Variants in CDH3 observed in about 807,000 individuals in gnomAD.
The protein encoded by CDH3 is cadherin-3.
In CDH3, 54 loss-of-function variants were observed where a neutral mutation model predicts 82.0. That is an observed-to-expected ratio of 0.66 (90% CI 0.53 to 0.83). The LOEUF (loss-of-function observed/expected upper bound fraction) is 0.83, where lower values mean the gene tolerates loss of function less well. CDH3 is among the 40% of genes least tolerant of loss of function. The probability of loss-of-function intolerance (pLI) is 0.00; values close to 1 mark genes in which losing one functional copy is unlikely to be tolerated. For synonymous variants in CDH3, 446 were observed against 437.9 expected, an observed-to-expected ratio of 1.02 and a Z score of -0.23; for missense variants, 1,054 against 1,084.6, an observed-to-expected ratio of 0.97 and a Z score of 0.40.
rs1275639305 is a variant in CDH3 at position 68,645,664 on chromosome 16, A to T, written c.74A>T (p.Glu25Val). The part of the protein sequence containing the change: ...QVCWLQCAAS[E>V]PCRAVFREAE... ...TGCTGGCTGCAGTGCGCGGCCTCCG[A>T]GCCGTGCCGGGCGGTCTTCAGGGAG... The change falls in exon 2 of 16, where the codon GAG becomes GTG. Residue 25 changes from glutamate to valine, a missense_variant. By Grantham distance (121) the Glu-to-Val change is moderately radical. Coordinates refer to ENST00000264012, the MANE Select transcript of CDH3 (RefSeq NM_001793.6). 2 of 1,544,038 alleles carry T rather than the reference A, an allele frequency of 1.3e-6. No individual in the cohort carries two copies. Among genetic ancestry groups the T allele is most frequent in the Non-Finnish European group, 1.7e-6 (2 of 1,146,594 alleles).
At chr16:68,647,035 G>C (rs531248189) in intron 2 of CDH3, among the ~76,000 whole-genome samples, 102 of 152,208 alleles carry the variant, frequency 6.7e-4, no homozygotes, top group Middle Eastern at 6.8e-3. Context: ...CCCAGGCTAG[G>C]CTAGGCTCCT....
At chr16:68,682,271 T>C in intron 8 of CDH3, 31 bp from the exon 9 acceptor site, 1 of 1,607,492 alleles carries the variant, frequency 6.2e-7, no homozygotes, top group Non-Finnish European at 8.5e-7. Flanking sequence ...CATTCTCTGC[T>C]CTGATAGTGC....
chr16:68,694,312 C>CAAA (rs1162877121), intron 13 of CDH3, among the ~76,000 whole-genome samples: 5 of 74,710 alleles, frequency 6.7e-5, no homozygotes, highest in African/African-American at 1.1e-4. Flanking sequence ...GACTCCCTCT[C>CAAA]AAAAAAAAAA....
At chr16:68,676,029 T>G (rs1252930974) in intron 2 of CDH3, among the ~76,000 whole-genome samples, 8 of 152,132 alleles carry the variant, frequency 5.3e-5, no homozygotes, top group Admixed American at 5.2e-4. Flanking sequence ...TCTCACAGCC[T>G]TCAGAAAATC....
chr16:68,672,882 G>A (rs1359709297), intron 2 of CDH3, among the ~76,000 whole-genome samples: 1 of 152,106 alleles, frequency 6.6e-6, no homozygotes, highest in Non-Finnish European at 1.5e-5. Flanking sequence ...AACTTCCTTT[G>A]CCTGGATGAG....
At chr16:68,706,001 C>T (rs1309237600) in intron 1 of CDH3, among the ~76,000 whole-genome samples, 3 of 146,984 alleles carry the variant, frequency 2.0e-5, no homozygotes, top group African/African-American at 7.6e-5. Context: ...GGAGGCAGAG[C>T]TTGCAGTGAG....
intron 11 of CDH3, among the ~76,000 whole-genome samples, chr16:68,686,210 G>A (rs1192596125): frequency 6.6e-6 from 1 of 152,170 alleles, no homozygotes; most frequent in Admixed American, 6.5e-5. Context: ...TCAGTGGCCT[G>A]CACAGGGCCC....
chr16:68,713,960 G>C (rs1567463628), intron 1 of CDH3, among the ~76,000 whole-genome samples: 1 of 150,918 alleles, frequency 6.6e-6, no homozygotes, highest in Non-Finnish European at 1.5e-5. Context: ...TGGAGACAGA[G>C]TTTCGCTCTG....
intron 2 of CDH3, among the ~76,000 whole-genome samples, chr16:68,666,891 G>A (rs578242578): frequency 6.6e-6 from 1 of 152,192 alleles, no homozygotes; most frequent in East Asian, 1.9e-4. Context: ...TTAGGTTGTT[G>A]AGACCTTTTT....
downstream of CDH3, among the ~76,000 whole-genome samples, chr16:68,729,312 T>C (rs552492818): frequency 6.6e-6 from 1 of 152,086 alleles, no homozygotes; most frequent in East Asian, 1.9e-4. Flanking sequence ...CTCAGAAAAA[T>C]ATATATATGC....
At chr16:68,732,063 T>C (rs1353045768), downstream of CDH3, among the ~76,000 whole-genome samples, 1 of 151,818 alleles carries the variant, frequency 6.6e-6, no homozygotes, top group South Asian at 2.1e-4. Context: ...TTTTTTTTTT[T>C]TGCAGACTGG....
At chr16:68,727,736 C>G (rs1415713295), downstream of CDH3, among the ~76,000 whole-genome samples, 1 of 151,970 alleles carries the variant, frequency 6.6e-6, no homozygotes, top group South Asian at 2.1e-4. Flanking sequence ...TGGTGAAACC[C>G]CATCTGTACT....
intron 1 of CDH3, among the ~76,000 whole-genome samples, chr16:68,713,331 G>A (rs1238718538): frequency 1.3e-5 from 2 of 152,032 alleles, no homozygotes; most frequent in East Asian, 1.9e-4. Flanking sequence ...CAAGCATATC[G>A]GGTTGCTCTT....
chr16:68,705,487 C>G (rs1171015487), intron 1 of CDH3, among the ~76,000 whole-genome samples: 1 of 152,084 alleles, frequency 6.6e-6, no homozygotes, highest in African/African-American at 2.4e-5. Context: ...GTGACGCGAT[C>G]TTGGCTCACT....
chr16:68,703,349 C>T (rs1363156709), downstream of CDH3, among the ~76,000 whole-genome samples: 1 of 152,176 alleles, frequency 6.6e-6, no homozygotes, highest in Non-Finnish European at 1.5e-5. Flanking sequence ...GGGAGAAGAC[C>T]CAGCCCGGGG....
rs193921054 is a variant in CDH3 at position 68,676,459 on chromosome 16, G to A, written c.235G>A (p.Glu79Lys). Reference sequence around the variant, plus strand: ...TGATGACTTCACTGTGCGGAATGGCGAGACAGTCCAGGTAAAATACCATGT... The same window carrying A: ...TGATGACTTCACTGTGCGGAATGGCAAGACAGTCCAGGTAAAATACCATGT... ...DNDDFTVRNG[E>K]TVQERRSLKE... is the part of the protein sequence containing the mutation. Residue 79 changes from glutamate (E) to lysine (K), a missense_variant, in exon 3 of 16, where the codon GAG (glutamate) becomes AAG (lysine). Physicochemically the swap from Glu to Lys is moderately conservative, Grantham distance 56 (BLOSUM62 1). Transcript: ENST00000264012. 4.4e-5 allele frequency: 71 copies of A among 1,612,632 alleles called. No homozygotes were observed. Among genetic ancestry groups the A allele is most frequent in the African/African-American group, 3.5e-4 (26 of 75,008 alleles).
At position 68,645,687 on chromosome 16, in the gene CDH3, G is replaced by T; in HGVS notation, c.97G>T (p.Glu33Ter). ...CGAGCCGTGCCGGGCGGTCTTCAGGGAGGCTGAAGTGACCTTGGAGGCGGG... is the reference window on the plus strand; with the variant it reads ...CGAGCCGTGCCGGGCGGTCTTCAGGTAGGCTGAAGTGACCTTGGAGGCGGG... Reference protein sequence around the residue: ...ASEPCRAVFREAEVTLEAGGA... With the variant: ...ASEPCRAVFR The change falls in exon 2 of 16, where the codon GAG becomes TAG. Residue 33 changes from glutamate (E) to a stop codon, truncating the protein, a stop_gained. Transcript: ENST00000264012. LOFTEE classifies it high-confidence loss of function. The T allele has an allele frequency of 6.5e-7, 1 of 1,546,188 alleles. No individual in the cohort carries two copies.
chr16:68,697,446 AG>A (rs1316178747), intron 15 of CDH3, among the ~76,000 whole-genome samples: 1 of 152,240 alleles, frequency 6.6e-6, no homozygotes, highest in African/African-American at 2.4e-5. Flanking sequence ...TGGGGGGCAA[AG>A]TTTGGAGCCT....
intron 2 of CDH3, among the ~76,000 whole-genome samples, chr16:68,669,857 G>T (rs1358793334): frequency 6.6e-6 from 1 of 152,110 alleles, no homozygotes. Context: ...AGTGGCTCAT[G>T]CCTGTAATCC....
Sources: allele counts gnomAD v4.1 joint callset (sites outside exome capture counted in the v4.1 genomes callset), GRCh38; gene constraint gnomAD v4.1.1; transcripts MANE v1.5; gene names NCBI Gene and HGNC (gene_info 2026-07-23, HGNC 2026-07-21).